ZCCHC2: variants seen among roughly 807,000 people sequenced by gnomAD.
ZCCHC2 encodes the protein zinc finger CCHC domain-containing protein 2.
A neutral mutation model predicts 103.6 loss-of-function variants in ZCCHC2; 39 were observed. That is an observed-to-expected ratio of 0.38 (90% CI 0.29 to 0.49). The LOEUF is 0.49. Among genes scored for constraint, ZCCHC2 ranks in the 20% least tolerant of loss-of-function variants. ZCCHC2 has a pLI of 0.96. For missense variants in ZCCHC2, 1,483 were observed against 1,491.0 expected (o/e 0.99, Z 0.09); for synonymous variants, 687 against 608.9 (o/e 1.13, Z -1.89).
At chr18:62,555,286 G>T (rs1015673640) in intron 5 of ZCCHC2, among the ~76,000 whole-genome samples, 2 of 152,162 alleles carry the variant, frequency 1.3e-5, no homozygotes, top group African/African-American at 4.8e-5. Context: ...TCCAGCTGGA[G>T]TCTTTTAATT....
At chr18:62,529,750 C>A (rs979415053) in intron 1 of ZCCHC2, among the ~76,000 whole-genome samples, 1 of 152,022 alleles carries the variant, frequency 6.6e-6, no homozygotes, top group African/African-American at 2.4e-5. Flanking sequence ...GGAGCGGGTG[C>A]TGGATGTGGA....
chr18:62,565,229 C>A, intron 11 of ZCCHC2, 133 bp downstream of exon 11: 1 of 628,020 alleles, frequency 1.6e-6, no homozygotes, highest in Non-Finnish European at 2.6e-6. Context: ...ATATGTACAG[C>A]AATTTCCAAA....
intron 1 of ZCCHC2, among the ~76,000 whole-genome samples, chr18:62,528,488 A>T (rs561176075): frequency 1.1e-4 from 16 of 151,686 alleles, no homozygotes; most frequent in Middle Eastern, 6.8e-3. Flanking sequence ...AGTCCCAGCT[A>T]CTCTGGAGGC....
intron 1 of ZCCHC2, among the ~76,000 whole-genome samples, chr18:62,535,731 A>T (rs2145491547): frequency 6.6e-6 from 1 of 152,344 alleles, no homozygotes; most frequent in Middle Eastern, 3.4e-3. Context: ...CACATTCTAA[A>T]GCCAGCCTAG....
intron 8 of ZCCHC2, 105 bp downstream of exon 8, chr18:62,560,749 CT>C: frequency 1.1e-6 from 1 of 887,128 alleles, no homozygotes; most frequent in East Asian, 2.8e-5. Context: ...TGTCATTTTG[CT>C]ATTTGCTTTT....
At chr18:62,525,420 T>G (rs1283789344) in intron 1 of ZCCHC2, 1 of 152,186 alleles carries the variant, frequency 6.6e-6, no homozygotes. Context: ...AAGGTGTTGA[T>G]TTGGATGCCA....
chr18:62,541,133 A>T (rs1185353336), intron 2 of ZCCHC2, among the ~76,000 whole-genome samples: 2 of 152,204 alleles, frequency 1.3e-5, no homozygotes, highest in East Asian at 3.8e-4. Flanking sequence ...TTTTGGAAAC[A>T]GCATACCCTC....
intron 5 of ZCCHC2, among the ~76,000 whole-genome samples, chr18:62,550,876 T>G (rs938399264): frequency 2.6e-5 from 4 of 152,188 alleles, no homozygotes; most frequent in Admixed American, 2.6e-4. Flanking sequence ...TGGCTGTTAC[T>G]CTCTTGGAGC....
chr18:62,524,540 T>C, intron 1 of ZCCHC2, 177 bp downstream of exon 1: 1 of 1,023,114 alleles, frequency 9.8e-7, no homozygotes, highest in South Asian at 1.9e-5. Flanking sequence ...GCCGCTCCGT[T>C]CCACTCCCCC....
At chr18:62,566,487 C>A (rs1160135030) in intron 11 of ZCCHC2, among the ~76,000 whole-genome samples, 2 of 152,146 alleles carry the variant, frequency 1.3e-5, no homozygotes, top group African/African-American at 4.8e-5. Context: ...GCTGGCCCTC[C>A]CTGTCTCTGT....
At chr18:62,563,958 T>TG (rs1432684555) in intron 9 of ZCCHC2, among the ~76,000 whole-genome samples, 2 of 152,136 alleles carry the variant, frequency 1.3e-5, no homozygotes, top group South Asian at 2.1e-4. Flanking sequence ...CTCGCAGATA[T>TG]GGGGGGAGGT....
chr18:62,537,496 G>T (rs1337097634), intron 1 of ZCCHC2, among the ~76,000 whole-genome samples: 1 of 152,144 alleles, frequency 6.6e-6, no homozygotes, highest in African/African-American at 2.4e-5. Flanking sequence ...TTATCAACTT[G>T]ACTATTCTAG....
At chr18:62,567,691 C>G (rs1309892704) in intron 11 of ZCCHC2, among the ~76,000 whole-genome samples, 2 of 152,042 alleles carry the variant, frequency 1.3e-5, no homozygotes, top group Non-Finnish European at 2.9e-5. Context: ...CGCCTGTAAT[C>G]CCAGCACTTT....
Position 62,523,376 on chromosome 18 carries a change from G to GGGGGCCCCCC in ZCCHC2, c.-49_-48insGGGGCCCCCC. ...GCCTCGGCCCGTGCTCCACCTCGCG[G>GGGGGCCCCCC]CCCCTCCCGCCCGCCCCCGCTCGCA... On this transcript the variant is annotated 5_prime_UTR_variant, in exon 1 of 14. Coordinates refer to ENST00000269499, the MANE Select transcript of ZCCHC2 (RefSeq NM_017742.6). 1 of 1,012,354 alleles carries GGGGGCCCCCC rather than the reference G, an allele frequency of 9.9e-7. No homozygotes were observed. Among genetic ancestry groups the GGGGGCCCCCC allele is most frequent in the Non-Finnish European group, 1.2e-6 (1 of 848,990 alleles). 62.7% of individuals were successfully genotyped at this position (1,012,354 alleles called of 1,614,324 possible).
rs978132899 is a variant in ZCCHC2 at position 62,574,913 on chromosome 18, G to A, written c.2832G>A (p.Gln944=). The change falls in exon 13 of 14, where the codon CAG becomes CAA. Residue 944 remains glutamine (Q), a synonymous_variant. Transcript: ENST00000269499. ...SVLSTAATSP[Q]PASAGISQAQ... is the part of the protein sequence containing the mutation. ...TCAGCACAGCAGCAACTTCTCCCCA[G>A]CCAGCGAGCGCAGGTATCAGCCAGG... The A allele has an allele frequency of 6.2e-7, 1 of 1,613,800 alleles. No homozygotes were observed.
chr18:62,562,502 T>C (rs1916166999), intron 8 of ZCCHC2, among the ~76,000 whole-genome samples: 1 of 152,228 alleles, frequency 6.6e-6, no homozygotes, highest in Non-Finnish European at 1.5e-5. Context: ...TTTTTTTTCT[T>C]TTCCAAATTT....
chr18:62,560,550 C>T, intron 7 of ZCCHC2, 37 bp from the exon 8 acceptor site: 1 of 1,582,454 alleles, frequency 6.3e-7, no homozygotes, highest in Non-Finnish European at 8.7e-7. Context: ...TTTGCTGCAG[C>T]ATTTAGTGTA....
rs571337975 is a variant in ZCCHC2 at position 62,552,802 on chromosome 18, A to T, written c.1313+2342A>T. Among the ~76,000 whole-genome samples, 26 of 151,750 alleles carry T rather than the reference A, an allele frequency of 1.7e-4. No homozygotes were observed. In the Middle Eastern group the frequency reaches 0.021, roughly 120 times the overall value. ...CTACTCCAGAGGCTGAGGTGGGAAG[A>T]TCGCTTCAGCCCAGGAGCTTGAGGC... On this transcript the variant is annotated intron_variant, in intron 5 of 13. Transcript: ENST00000269499.
At position 62,523,376 on chromosome 18, in the gene ZCCHC2, G is replaced by GCGGGGCCCCC; in HGVS notation, c.-48_-47insGGGGCCCCCC. The GCGGGGCCCCC allele has an allele frequency of 2.0e-6, 2 of 1,012,356 alleles. No individual in the cohort carries two copies. The highest frequency in any genetic ancestry group is 1.2e-6 in the Non-Finnish European group (1 of 848,992). 62.7% of individuals were successfully genotyped at this position (1,012,356 alleles called of 1,614,324 possible). The stretch of plus-strand genomic sequence containing the variant: ...GCCTCGGCCCGTGCTCCACCTCGCG[G>GCGGGGCCCCC]CCCCTCCCGCCCGCCCCCGCTCGCA... On this transcript the variant is annotated 5_prime_UTR_variant, in exon 1 of 14. Transcript: ENST00000269499.
Sources: gnomAD v4.1 joint callset for allele counts (sites outside exome capture counted in the v4.1 genomes callset) on GRCh38, gnomAD v4.1.1 for gene constraint, MANE v1.5 for transcripts, NCBI Gene and HGNC (gene_info 2026-07-23, HGNC 2026-07-21) for gene names.